The following DGKB variants were observed in gnomAD, a reference collection of about 807,000 sequenced individuals.
The protein encoded by DGKB is diacylglycerol kinase beta.
Under a neutral mutation model 114.3 loss-of-function variants are expected in DGKB, and 67 were observed. The ratio of observed to expected loss-of-function variants is 0.59; its 90% CI spans 0.48 to 0.72. The LOEUF is 0.72. Among genes scored for constraint, DGKB ranks in the 30% least tolerant of loss-of-function variants. The pLI is 0.00. For missense variants in DGKB, 907 were observed against 975.2 expected (o/e 0.93, Z 0.93); for synonymous variants, 398 against 323.1 (o/e 1.23, Z -2.49).
At chr7:14,231,238 A>G (rs908847405) in intron 23 of DGKB, among the ~76,000 whole-genome samples, 18 of 151,528 alleles carry the variant, frequency 1.2e-4, no homozygotes, top group Non-Finnish European at 2.9e-5. Flanking sequence ...GGCTTAAGCA[A>G]TCTTCTCACC....
chr7:14,392,995 G>GTTTTTGTTTTTTGGTTTTTTTT, intron 21 of DGKB, among the ~76,000 whole-genome samples: 1 of 60,546 alleles, frequency 1.7e-5, no homozygotes, highest in African/African-American at 4.8e-5. Flanking sequence ...TTTTGTTTTT[G>GTTTTTGTTTTTTGGTTTTTTTT]TTTTTTTTTT....
rs942374116 is a variant in DGKB at position 14,179,431 on chromosome 7, T to A, written c.2123-1280A>T. The stretch of plus-strand genomic sequence containing the variant: ...TTTAGTAGCAGAAAAACTAGAGGAG[T>A]GGAATACGGTGGGAGGCATGATTAT... On this transcript the variant is annotated intron_variant, in intron 23 of 25. Transcript: ENST00000402815. 6.6e-5 allele frequency among the ~76,000 whole-genome samples: 10 copies of A among 152,048 alleles called. No homozygotes were observed. The East Asian group carries it at 1.9e-3, about 29-fold the overall frequency.
intron 1 of DGKB, among the ~76,000 whole-genome samples, chr7:14,956,760 G>A (rs929877224): frequency 2.0e-5 from 3 of 151,972 alleles, no homozygotes; most frequent in African/African-American, 7.2e-5. Context: ...GAGTGCAATG[G>A]AGCAGATGTA....
rs376979160 is a variant in DGKB at position 14,595,365 on chromosome 7, G to T, written c.1433+12069C>A. ...AGTGTGTAAATTCGGGAAAAAGGGA[G>T]AAAACTAGTTTAGTAATAGACATGT... is the stretch of plus-strand genomic sequence containing the variant. On this transcript the variant is annotated intron_variant, in intron 17 of 25. Transcript: ENST00000402815. Among the ~76,000 whole-genome samples, 31 of 152,052 alleles carry T rather than the reference G, an allele frequency of 2.0e-4. No individual in the cohort carries two copies. The East Asian group carries it at 3.9e-3, about 19-fold the overall frequency.
At chr7:14,168,925 G>A (rs1780392025) in intron 25 of DGKB, among the ~76,000 whole-genome samples, 1 of 152,200 alleles carries the variant, frequency 6.6e-6, no homozygotes, top group Non-Finnish European at 1.5e-5. Context: ...ATATCTCATT[G>A]CCTTCCAGAA....
chr7:14,580,699 G>T (rs1584940045), intron 19 of DGKB, among the ~76,000 whole-genome samples, 163 bp downstream of exon 19: 1 of 152,126 alleles, frequency 6.6e-6, no homozygotes, highest in Non-Finnish European at 1.5e-5. Context: ...TCCACTATTT[G>T]TTCTTCTATC....
At chr7:14,867,014 C>T (rs1851797625) in intron 1 of DGKB, among the ~76,000 whole-genome samples, 1 of 152,170 alleles carries the variant, frequency 6.6e-6, no homozygotes, top group Non-Finnish European at 1.5e-5. Context: ...GCTTATTTAA[C>T]ATCTGTATAT....
intron 13 of DGKB, among the ~76,000 whole-genome samples, chr7:14,643,399 A>G (rs979452629): frequency 6.6e-6 from 1 of 152,162 alleles, no homozygotes; most frequent in Non-Finnish European, 1.5e-5. Context: ...TCCTGGGACC[A>G]AAGCTGATGC....
At chr7:14,814,043 T>C (rs531349233) in intron 2 of DGKB, 1 of 152,226 alleles carries the variant, frequency 6.6e-6, no homozygotes, top group Non-Finnish European at 1.5e-5. Context: ...TTTAGTTTAT[T>C]TTCTAGTTGT....
At chr7:14,972,817 G>C (rs531677308) in intron 1 of DGKB, among the ~76,000 whole-genome samples, 1 of 152,102 alleles carries the variant, frequency 6.6e-6, no homozygotes, top group South Asian at 2.1e-4. Context: ...TATATCATTT[G>C]GATTACAGAG....
At chr7:14,555,751 C>G (rs1437476030) in intron 20 of DGKB, among the ~76,000 whole-genome samples, 1 of 152,134 alleles carries the variant, frequency 6.6e-6, no homozygotes, top group Non-Finnish European at 1.5e-5. Flanking sequence ...CCGGCCAAAA[C>G]CCACCAAAAC....
At chr7:14,775,785 C>A (rs1280418567) in intron 2 of DGKB, among the ~76,000 whole-genome samples, 2 of 152,006 alleles carry the variant, frequency 1.3e-5, no homozygotes, top group African/African-American at 4.8e-5. Context: ...ATAATTTGCC[C>A]ATTTTCAGGT....
chr7:14,342,520 C>T (rs1003166458), intron 22 of DGKB, among the ~76,000 whole-genome samples: 2 of 151,788 alleles, frequency 1.3e-5, no homozygotes, highest in South Asian at 4.2e-4. Flanking sequence ...AAATGAATAT[C>T]TTTAAAAAAT....
chr7:14,828,930 T>G (rs1172470341), intron 2 of DGKB, among the ~76,000 whole-genome samples: 1 of 152,094 alleles, frequency 6.6e-6, no homozygotes, highest in African/African-American at 2.4e-5. Flanking sequence ...ATCAGAGAAG[T>G]GACACATGTG....
intron 23 of DGKB, among the ~76,000 whole-genome samples, chr7:14,304,184 G>A (rs1804077433): frequency 6.6e-6 from 1 of 151,516 alleles, no homozygotes; most frequent in South Asian, 2.1e-4. Context: ...TAACGGTAAG[G>A]TTTATGTGTT....
At chr7:14,488,076 A>C (rs1784089056) in intron 20 of DGKB, among the ~76,000 whole-genome samples, 1 of 152,222 alleles carries the variant, frequency 6.6e-6, no homozygotes, top group South Asian at 2.1e-4. Flanking sequence ...CCATGACTAC[A>C]GCTAGGGAAC....
chr7:14,168,160 A>G (rs1336961037), intron 25 of DGKB, among the ~76,000 whole-genome samples: 1 of 152,214 alleles, frequency 6.6e-6, no homozygotes, highest in Non-Finnish European at 1.5e-5. Flanking sequence ...GAAAAATACA[A>G]TGAACAACAT....
chr7:14,352,836 T>G lies in DGKB; in HGVS notation c.1836-7445A>C, dbSNP rs540368451. 7.5e-4 allele frequency among the ~76,000 whole-genome samples: 114 copies of G among 152,156 alleles called. 1 individual carries two copies. In the Middle Eastern group the frequency reaches 0.01, roughly 14 times the overall value. On this transcript the variant is annotated intron_variant, in intron 21 of 25. Transcript: ENST00000402815. The stretch of plus-strand genomic sequence containing the variant: ...TACTCGGGAGGCTGAGGCAGGAGAA[T>G]CGTCTGAACCCGGGAGGCGGAGGCT...
At chr7:14,898,630 C>T (rs1782491115) in intron 1 of DGKB, among the ~76,000 whole-genome samples, 2 of 152,082 alleles carry the variant, frequency 1.3e-5, no homozygotes, top group South Asian at 4.1e-4. Flanking sequence ...TTTAGCACCA[C>T]ATTCAAAAAT....
Sources: gnomAD v4.1 joint callset for allele counts (sites outside exome capture counted in the v4.1 genomes callset) on GRCh38, gnomAD v4.1.1 for gene constraint, MANE v1.5 for transcripts, NCBI Gene and HGNC (gene_info 2026-07-23, HGNC 2026-07-21) for gene names.